SLX4IP: variants seen among roughly 807,000 people sequenced by gnomAD.
SLX4IP encodes the protein SLX4 interacting protein, also known as protein SLX4IP.
In SLX4IP, 34 loss-of-function variants were observed where a neutral mutation model predicts 32.9. That is an observed-to-expected ratio of 1.03 (90% confidence interval 0.79 to 1.38). The LOEUF (loss-of-function observed/expected upper bound fraction) is 1.38, where lower values mean the gene tolerates loss of function less well. SLX4IP is among the 40% of genes most tolerant of loss of function. The pLI, the probability that SLX4IP is intolerant of heterozygous loss-of-function variation, is 0.00. For synonymous variants in SLX4IP, 172 were observed against 171.7 expected (o/e 1.00, Z -0.01); for missense variants, 444 against 479.0 (o/e 0.93, Z 0.68).
intron 2 of SLX4IP, among the ~76,000 whole-genome samples, chr20:10,459,114 A>T (rs968670280): frequency 7.9e-5 from 12 of 152,178 alleles, no homozygotes; most frequent in African/African-American, 2.9e-4. Context: ...ATGATCAGTG[A>T]TGTTGAGCTT....
At chr20:10,622,512 G>T in intron 7 of SLX4IP, 147 bp from the exon 8 acceptor site, 1 of 1,064,926 alleles carries the variant, frequency 9.4e-7, no homozygotes, top group South Asian at 1.7e-5. Flanking sequence ...ACCTGTGGTG[G>T]GGAGTGTTTC....
At chr20:10,513,962 G>A (rs961753104) in intron 2 of SLX4IP, among the ~76,000 whole-genome samples, 2 of 152,180 alleles carry the variant, frequency 1.3e-5, no homozygotes, top group Admixed American at 6.5e-5. Flanking sequence ...AAAGGGAGGG[G>A]AGTTGCCTTC....
At chr20:10,530,176 AGGC>A (rs1206811178) in intron 2 of SLX4IP, among the ~76,000 whole-genome samples, 1 of 152,232 alleles carries the variant, frequency 6.6e-6, no homozygotes, top group Non-Finnish European at 1.5e-5. Context: ...CCCCAGAGTA[AGGC>A]GGTGCAGTCT....
chr20:10,514,739 G>A (rs1224233057), intron 2 of SLX4IP, among the ~76,000 whole-genome samples: 2 of 152,214 alleles, frequency 1.3e-5, no homozygotes, highest in Admixed American at 6.5e-5. Context: ...GTAGCATATT[G>A]TGAAAGTAGT....
intron 2 of SLX4IP, among the ~76,000 whole-genome samples, chr20:10,478,269 A>G (rs2065491759): frequency 6.6e-6 from 1 of 152,190 alleles, no homozygotes; most frequent in African/African-American, 2.4e-5. Flanking sequence ...CTAATAAAGT[A>G]GGTGTTTTTC....
At chr20:10,473,505 T>C (rs570837766) in intron 2 of SLX4IP, among the ~76,000 whole-genome samples, 1 of 152,244 alleles carries the variant, frequency 6.6e-6, no homozygotes, top group Admixed American at 6.5e-5. Flanking sequence ...ATCTTCATTG[T>C]CATAAATATT....
intron 2 of SLX4IP, among the ~76,000 whole-genome samples, chr20:10,496,824 TG>T (rs752030990): frequency 9.9e-5 from 15 of 152,186 alleles, no homozygotes; most frequent in African/African-American, 3.6e-4. Context: ...GAATGGGGCT[TG>T]GGGTCATATC....
intron 2 of SLX4IP, among the ~76,000 whole-genome samples, chr20:10,552,760 A>C (rs1438846690): frequency 6.6e-6 from 1 of 152,160 alleles, no homozygotes; most frequent in Non-Finnish European, 1.5e-5. Context: ...TATTAGGTTA[A>C]TTCTTCAGCA....
Position 10,458,195 on chromosome 20 carries a change from T to A in SLX4IP, c.-10T>A. On this transcript the variant is annotated 5_prime_UTR_variant, in exon 2 of 8. Transcript: ENST00000334534. Reference sequence around the variant, plus strand: ...TTAAAGGTCTGTAGTTACTGTGGAATCAATAAGCCATGGCATCTAAGAAAT... The same window carrying A: ...TTAAAGGTCTGTAGTTACTGTGGAAACAATAAGCCATGGCATCTAAGAAAT... 6.3e-7 allele frequency: 1 copy of A among 1,582,762 alleles called. No individual in the cohort carries two copies.
At chr20:10,466,489 G>T (rs1486170997) in intron 2 of SLX4IP, among the ~76,000 whole-genome samples, 3 of 152,074 alleles carry the variant, frequency 2.0e-5, no homozygotes, top group Non-Finnish European at 4.4e-5. Context: ...AATTTTTGTT[G>T]GGAGGGCTTG....
chr20:10,513,135 G>A (rs899013878), intron 2 of SLX4IP, among the ~76,000 whole-genome samples: 3 of 152,094 alleles, frequency 2.0e-5, no homozygotes, highest in Admixed American at 1.3e-4. Flanking sequence ...TCCTAGAGGA[G>A]CATCCCTAGC....
intron 2 of SLX4IP, among the ~76,000 whole-genome samples, chr20:10,475,854 CCAGAAGTTACATGATAGTACT>C (rs1156897987): frequency 6.6e-6 from 1 of 152,170 alleles, no homozygotes; most frequent in Non-Finnish European, 1.5e-5. Flanking sequence ...ATAGATTCCC[CCAGAAGTTACATGATAGTACT>C]TTACAATTTA....
rs541629667 is a variant in SLX4IP, at chr20:10,623,421, C to T, written c.*42C>T. On this transcript the variant is annotated 3_prime_UTR_variant, in exon 8 of 8. Transcript: ENST00000334534. Reference sequence around the variant, plus strand: ...ACCGTTGGAGTTGAGGACATAGTGGCCAAACCTGTGACAAGAGAGCTGCGA... The same window carrying T: ...ACCGTTGGAGTTGAGGACATAGTGGTCAAACCTGTGACAAGAGAGCTGCGA... 2 of 1,551,822 alleles carry T rather than the reference C, an allele frequency of 1.3e-6. No individual in the cohort carries two copies. Among genetic ancestry groups the T allele is most frequent in the East Asian group, 4.5e-5 (2 of 44,268 alleles).
At chr20:10,529,176 G>T (rs1430578540) in intron 2 of SLX4IP, among the ~76,000 whole-genome samples, 3 of 152,152 alleles carry the variant, frequency 2.0e-5, no homozygotes, top group Non-Finnish European at 4.4e-5. Context: ...TTTTTAGGAG[G>T]AGTAAGTAGA....
chr20:10,561,684 A>G (rs1476037070), intron 4 of SLX4IP, among the ~76,000 whole-genome samples: 1 of 151,854 alleles, frequency 6.6e-6, no homozygotes, highest in Non-Finnish European at 1.5e-5. Context: ...TTTCTCTCTG[A>G]GTCCCCAAAG....
intron 2 of SLX4IP, among the ~76,000 whole-genome samples, chr20:10,544,741 G>T (rs1379614075): frequency 2.0e-5 from 3 of 151,816 alleles, no homozygotes; most frequent in Non-Finnish European, 4.4e-5. Context: ...TTATTTTCTT[G>T]TATTTATGAT....
At chr20:10,482,388 A>G (rs1455116235) in intron 2 of SLX4IP, among the ~76,000 whole-genome samples, 1 of 152,182 alleles carries the variant, frequency 6.6e-6, no homozygotes, top group African/African-American at 2.4e-5. Flanking sequence ...TTGTTTTGAT[A>G]TCATGTGAGT....
At position 10,496,447 on chromosome 20, in the gene SLX4IP, TAGAG is replaced by T. The variant is rs1227496822; in HGVS notation, c.27+38219_27+38222del. On this transcript the variant is annotated intron_variant, in intron 2 of 7. Transcript: ENST00000334534. The stretch of plus-strand genomic sequence containing the variant: ...CAATGCAAGTAGCAGAAAACCCAAT[TAGAG>T]AGTCACAAACAAATAGGAGTTATTT... 3.3e-5 allele frequency among the ~76,000 whole-genome samples: 5 copies of T among 152,288 alleles called. No individual in the cohort carries two copies. In the South Asian group the frequency reaches 1.0e-3, roughly 32 times the overall value.
chr20:10,539,498 TAA>T (rs879928418), intron 2 of SLX4IP, among the ~76,000 whole-genome samples: 2 of 144,072 alleles, frequency 1.4e-5, no homozygotes, highest in African/African-American at 2.5e-5. Context: ...TTTGGTTTGT[TAA>T]AAAAAAAAAA....
Sources: allele counts gnomAD v4.1 joint callset (sites outside exome capture counted in the v4.1 genomes callset), GRCh38; gene constraint gnomAD v4.1.1; transcripts MANE v1.5; gene names NCBI Gene and HGNC (gene_info 2026-07-23, HGNC 2026-07-21).